The following ADARB2 variants were observed in gnomAD, a reference collection of about 807,000 sequenced individuals.
The protein encoded by ADARB2 is inactive double-stranded RNA-specific editase B2.
ADARB2 carries 25 observed loss-of-function variants against 62.2 expected under a neutral mutation model. That is an observed-to-expected ratio of 0.40 (90% CI 0.29 to 0.56). ADARB2 has a LOEUF of 0.56. ADARB2 is among the 20% of genes least tolerant of loss of function. ADARB2 has a pLI of 0.43. For synonymous variants in ADARB2, 572 were observed against 500.8 expected, an observed-to-expected ratio of 1.14 and a Z score of -1.90; for missense variants, 1,071 against 1,077.4, an observed-to-expected ratio of 0.99 and a Z score of 0.08.
intron 1 of ADARB2, among the ~76,000 whole-genome samples, chr10:1,427,992 T>C (rs1830722523): frequency 6.6e-6 from 1 of 150,402 alleles, no homozygotes; most frequent in South Asian, 2.1e-4. Flanking sequence ...TGAGACAGAG[T>C]CTCATTCTGT....
At chr10:1,597,796 A>G (rs766629014) in intron 1 of ADARB2, among the ~76,000 whole-genome samples, 1 of 152,252 alleles carries the variant, frequency 6.6e-6, no homozygotes, top group African/African-American at 2.4e-5. Flanking sequence ...GAAAGAAATC[A>G]TTGTATAAAA....
chr10:1,418,088 G>A (rs1030196637), intron 1 of ADARB2, among the ~76,000 whole-genome samples: 3 of 152,216 alleles, frequency 2.0e-5, no homozygotes, highest in African/African-American at 4.8e-5. Context: ...CAGGCAAGGA[G>A]GTTCACAATT....
At chr10:1,484,263 A>C (rs977352293) in intron 1 of ADARB2, among the ~76,000 whole-genome samples, 1 of 152,260 alleles carries the variant, frequency 6.6e-6, no homozygotes, top group African/African-American at 2.4e-5. Flanking sequence ...GTGCAAAAAC[A>C]GTCAGAGCTA....
intron 3 of ADARB2, among the ~76,000 whole-genome samples, chr10:1,348,006 A>C (rs1184346947): frequency 1.3e-5 from 2 of 151,910 alleles, no homozygotes; most frequent in Non-Finnish European, 2.9e-5. Flanking sequence ...AGAGAGACAG[A>C]GACAAACAGA....
At chr10:1,650,601 C>T (rs7072699) in intron 1 of ADARB2, among the ~76,000 whole-genome samples, 34,712 of 152,136 alleles carry the variant, frequency 0.23, 4,312 homozygotes, top group Middle Eastern at 0.32. Context: ...TCCTTGCTAT[C>T]GGTCCGTGAA....
rs1462661447 is a variant in ADARB2, at chr10:1,737,378, A to G, written c.-228T>C. 1 of 519,512 alleles carries G rather than the reference A, an allele frequency of 1.9e-6. No homozygotes were observed. Among genetic ancestry groups the G allele is most frequent in the Non-Finnish European group, 3.4e-6 (1 of 290,476 alleles). 32.2% of individuals were successfully genotyped at this position (519,512 alleles called of 1,614,324 possible). ...GGGCCTCGGCTGGGCGCCTGGAGCG[A>G]GCTGCTCCCTGGTCAGGGAGGGCGG... is the stretch of plus-strand genomic sequence containing the variant. On this transcript the variant is annotated 5_prime_UTR_variant, in exon 1 of 10. Coordinates refer to ENST00000381312, the MANE Select transcript of ADARB2 (RefSeq NM_018702.4).
At chr10:1,653,666 C>T (rs1352266961) in intron 1 of ADARB2, among the ~76,000 whole-genome samples, 1 of 151,690 alleles carries the variant, frequency 6.6e-6, no homozygotes, top group Non-Finnish European at 1.5e-5. Context: ...CCTGCAGAGC[C>T]GCAGGGTCTG....
At chr10:1,727,537 C>T (rs1835181638) in intron 1 of ADARB2, among the ~76,000 whole-genome samples, 1 of 152,090 alleles carries the variant, frequency 6.6e-6, no homozygotes, top group African/African-American at 2.4e-5. Context: ...AATTGAGTAG[C>T]TATTATGTTT....
intron 3 of ADARB2, among the ~76,000 whole-genome samples, chr10:1,311,412 T>C (rs1008379021): frequency 3.3e-5 from 5 of 152,098 alleles, no homozygotes; most frequent in African/African-American, 1.2e-4. Flanking sequence ...TGGTAACAGG[T>C]GCGATCCTTC....
chr10:1,569,283 A>G (rs1484619555), intron 1 of ADARB2, among the ~76,000 whole-genome samples: 1 of 151,992 alleles, frequency 6.6e-6, no homozygotes, highest in Non-Finnish European at 1.5e-5. Flanking sequence ...AGACAGAGAG[A>G]GAGAACTGGA....
chr10:1,500,959 C>T (rs773375908), intron 1 of ADARB2, among the ~76,000 whole-genome samples: 8 of 152,328 alleles, frequency 5.3e-5, no homozygotes, highest in Non-Finnish European at 7.4e-5. Context: ...ACTGCAACCT[C>T]CATCTCCCAG....
rs114571992 is a variant in ADARB2, at chr10:1,730,072, G to A, written c.100+6979C>T. On this transcript the variant is annotated intron_variant, in intron 1 of 9. Coordinates refer to ENST00000381312, the MANE Select transcript of ADARB2 (RefSeq NM_018702.4). The stretch of plus-strand genomic sequence containing the variant: ...CTGAAGGTGTTGAGCTATCATTTGG[G>A]CATAAGATTCACTCCATCTATTAGA... 7.2e-3 allele frequency among the ~76,000 whole-genome samples: 1,097 copies of A among 152,258 alleles called. 22 individuals are homozygous for A. The highest frequency in any genetic ancestry group is 0.024 in the African/African-American group (999 of 41,544).
intron 3 of ADARB2, among the ~76,000 whole-genome samples, chr10:1,352,563 T>C (rs557880957): frequency 2.0e-5 from 3 of 152,350 alleles, no homozygotes; most frequent in African/African-American, 7.2e-5. Context: ...CTTACTGTTT[T>C]AGCCCAGCCC....
At chr10:1,222,229 T>C (rs1411235959) in intron 6 of ADARB2, among the ~76,000 whole-genome samples, 6 of 152,210 alleles carry the variant, frequency 3.9e-5, no homozygotes, top group Non-Finnish European at 4.4e-5. Context: ...TGAGAAGTGT[T>C]TGTTCATATC....
chr10:1,603,693 C>CT (rs11407289), intron 1 of ADARB2, among the ~76,000 whole-genome samples: 34,925 of 143,450 alleles, frequency 0.24, 4,428 homozygotes, highest in East Asian at 0.4. Context: ...GAGCTGTGAT[C>CT]TTTTTTTTTT....
intron 1 of ADARB2, among the ~76,000 whole-genome samples, chr10:1,493,246 G>C (rs866245305): frequency 6.6e-6 from 1 of 152,178 alleles, no homozygotes; most frequent in South Asian, 2.1e-4. Flanking sequence ...GATAATGGAA[G>C]TATTTATGCT....
chr10:1,526,825 G>C, intron 1 of ADARB2: 1 of 519,266 alleles, frequency 1.9e-6, no homozygotes, highest in Non-Finnish European at 4.0e-6. Context: ...CACGCACTTG[G>C]TGCGTGGAGG....
intron 1 of ADARB2, among the ~76,000 whole-genome samples, chr10:1,637,310 G>A (rs117448837): frequency 2.9e-3 from 442 of 152,266 alleles, no homozygotes; most frequent in Non-Finnish European, 5.1e-3. Flanking sequence ...AAGGAGCAGC[G>A]TTGCCTGTCA....
intron 1 of ADARB2, among the ~76,000 whole-genome samples, chr10:1,561,752 C>G (rs1039484428): frequency 3.9e-5 from 6 of 152,142 alleles, no homozygotes; most frequent in African/African-American, 1.4e-4. Flanking sequence ...AGAGGCTCCT[C>G]CTGCCCGAAG....
Sources: gnomAD v4.1 joint callset for allele counts (sites outside exome capture counted in the v4.1 genomes callset) on GRCh38, gnomAD v4.1.1 for gene constraint, MANE v1.5 for transcripts, NCBI Gene and HGNC (gene_info 2026-07-23, HGNC 2026-07-21) for gene names.